The following KCNN2 variants were observed in gnomAD, a reference collection of about 807,000 sequenced individuals.
The protein encoded by KCNN2 is small conductance calcium-activated potassium channel protein 2.
KCNN2 carries 24 observed loss-of-function variants against 55.5 expected under a neutral mutation model. That is an observed-to-expected ratio of 0.43 (90% CI 0.31 to 0.61). KCNN2 has a LOEUF of 0.61. KCNN2 is among the 20% of genes least tolerant of loss of function. The pLI is 0.08. For missense variants in KCNN2, 754 were observed against 853.6 expected, an observed-to-expected ratio of 0.88 and a Z score of 1.45; for synonymous variants, 431 against 336.1, an observed-to-expected ratio of 1.28 and a Z score of -3.09.
chr5:114,227,297 G>T (rs570027970), intron 2 of KCNN2, among the ~76,000 whole-genome samples: 1 of 151,966 alleles, frequency 6.6e-6, no homozygotes, highest in Non-Finnish European at 1.5e-5. Flanking sequence ...TGCTGTTCTC[G>T]CTACTAAAAA....
At chr5:114,134,317 T>A (rs1046424361) in intron 1 of KCNN2, among the ~76,000 whole-genome samples, 5 of 151,082 alleles carry the variant, frequency 3.3e-5, no homozygotes, top group African/African-American at 1.2e-4. Flanking sequence ...ATTGGGAAAC[T>A]TTTTGAATTT....
rs566048468 is a variant in KCNN2, at chr5:114,471,415, ATAATG to A, written c.1780-1637_1780-1633del. Among the ~76,000 whole-genome samples the A allele has an allele frequency of 3.8e-4, 58 of 152,350 alleles. 1 individual carries two copies. In the South Asian group the frequency reaches 0.01, roughly 27 times the overall value. ...GAATAATTACAAAAGAAAACGGTCT[ATAATG>A]TTCAGTACAGGTGCAGCCATCCATT... is the stretch of plus-strand genomic sequence containing the variant. On this transcript the variant is annotated intron_variant, in intron 4 of 7. Transcript: ENST00000673685.
intron 2 of KCNN2, among the ~76,000 whole-genome samples, chr5:114,346,009 C>T (rs1220398605): frequency 1.3e-5 from 2 of 152,192 alleles, no homozygotes; most frequent in East Asian, 1.9e-4. Context: ...TCTCCAACTC[C>T]CGACCTTAAG....
intron 3 of KCNN2, among the ~76,000 whole-genome samples, chr5:114,440,127 C>T (rs1377360460): frequency 6.6e-6 from 1 of 151,848 alleles, no homozygotes; most frequent in South Asian, 2.1e-4. Context: ...TGTAACAGAT[C>T]CAAAGCCAAG....
At chr5:114,278,839 C>T (rs1190659738) in intron 2 of KCNN2, among the ~76,000 whole-genome samples, 1 of 152,178 alleles carries the variant, frequency 6.6e-6, no homozygotes, top group African/African-American at 2.4e-5. Context: ...TGAGGCAATG[C>T]CCCGCCCTAC....
At chr5:114,292,199 G>T (rs1456338257) in intron 2 of KCNN2, among the ~76,000 whole-genome samples, 2 of 152,178 alleles carry the variant, frequency 1.3e-5, no homozygotes, top group African/African-American at 4.8e-5. Context: ...AGTTTAATTA[G>T]ATCCCATTTG....
intron 2 of KCNN2, among the ~76,000 whole-genome samples, chr5:114,240,541 T>A (rs960485972): frequency 3.3e-5 from 5 of 151,990 alleles, no homozygotes; most frequent in East Asian, 3.9e-4. Context: ...AAACAATTCT[T>A]GTGTCTTAGC....
At chr5:114,243,814 A>G (rs570813769) in intron 2 of KCNN2, among the ~76,000 whole-genome samples, 1 of 152,302 alleles carries the variant, frequency 6.6e-6, no homozygotes, top group Admixed American at 6.5e-5. Flanking sequence ...TGACTACTGT[A>G]CTTATGTTAC....
intron 1 of KCNN2, among the ~76,000 whole-genome samples, chr5:114,202,565 G>GTATATATATATATATA (rs1465277634): frequency 1.1e-5 from 1 of 92,080 alleles, no homozygotes. Flanking sequence ...ATATATGTGT[G>GTATATATATATATATA]TGTATATATA....
chr5:114,100,928 A>G (rs1751361176), intron 1 of KCNN2, among the ~76,000 whole-genome samples: 1 of 151,862 alleles, frequency 6.6e-6, no homozygotes, highest in Non-Finnish European at 1.5e-5. Context: ...TACATTTTAT[A>G]TATAATTATT....
chr5:114,203,680 G>A (rs531940633), intron 1 of KCNN2, among the ~76,000 whole-genome samples: 144 of 152,264 alleles, frequency 9.5e-4, no homozygotes, highest in Admixed American at 1.6e-3. Flanking sequence ...AATGATGACA[G>A]CATCTGACAT....
At chr5:114,083,583 A>T (rs1208943053) in intron 1 of KCNN2, among the ~76,000 whole-genome samples, 7 of 152,228 alleles carry the variant, frequency 4.6e-5, no homozygotes, top group Non-Finnish European at 1.0e-4. Context: ...AGCAGATAAT[A>T]TGGAGTTCCC....
chr5:114,153,018 C>T (rs184740335), intron 1 of KCNN2, among the ~76,000 whole-genome samples: 1 of 152,208 alleles, frequency 6.6e-6, no homozygotes, highest in Admixed American at 6.5e-5. Context: ...TCAGTAATGT[C>T]TTCATATTGA....
intron 2 of KCNN2, among the ~76,000 whole-genome samples, chr5:114,275,887 C>T (rs1014156056): frequency 3.9e-5 from 6 of 152,028 alleles, no homozygotes; most frequent in Non-Finnish European, 8.8e-5. Context: ...AATTTGTTTG[C>T]TCTTGCTTCT....
At chr5:114,070,496 G>A (rs570911727) in intron 1 of KCNN2, among the ~76,000 whole-genome samples, 9 of 152,224 alleles carry the variant, frequency 5.9e-5, no homozygotes, top group Non-Finnish European at 1.2e-4. Context: ...AAAGCTTCCC[G>A]GGCTGTCTCT....
At chr5:114,388,811 GT>G (rs141234669) in intron 2 of KCNN2, among the ~76,000 whole-genome samples, 2,357 of 151,866 alleles carry the variant, frequency 0.016, 43 homozygotes, top group African/African-American at 0.05. Flanking sequence ...TTCTATATCA[GT>G]TTTTTTTATT....
Position 114,349,208 on chromosome 5 carries a change from C to T in KCNN2, c.-184-11737C>T, listed in dbSNP as rs147177141. Reference sequence around the variant, plus strand: ...CCTTTATGTCTTTTCAAGGTTCATCCGTGTTGTATCATGTATCAAGACTTC... The same window carrying T: ...CCTTTATGTCTTTTCAAGGTTCATCTGTGTTGTATCATGTATCAAGACTTC... On this transcript the variant is annotated intron_variant, in intron 2 of 10. Transcript: ENST00000512097. Among the ~76,000 whole-genome samples, 261 of 152,108 alleles carry T rather than the reference C, an allele frequency of 1.7e-3. 2 individuals carry two copies. Among genetic ancestry groups the T allele is most frequent in the African/African-American group, 6.0e-3 (248 of 41,538 alleles).
chr5:114,400,020 AT>A (rs1758739160), intron 2 of KCNN2, among the ~76,000 whole-genome samples: 1 of 116,290 alleles, frequency 8.6e-6, no homozygotes, highest in Non-Finnish European at 1.8e-5. Context: ...TATTTTCTTT[AT>A]TAGTCTAGCT....
chr5:114,291,588 A>G (rs979702653), intron 2 of KCNN2, among the ~76,000 whole-genome samples: 2 of 152,188 alleles, frequency 1.3e-5, no homozygotes, highest in African/African-American at 4.8e-5. Flanking sequence ...CCAGTCTATC[A>G]TTGTTGGACA....
Sources: allele counts gnomAD v4.1 joint callset (sites outside exome capture counted in the v4.1 genomes callset), GRCh38; gene constraint gnomAD v4.1.1; transcripts MANE v1.5; gene names NCBI Gene and HGNC (gene_info 2026-07-23, HGNC 2026-07-21).